SHANK1: variants seen among roughly 807,000 people sequenced by gnomAD.
SHANK1 encodes the protein SH3 and multiple ankyrin repeat domains 1, also known as SH3 and multiple ankyrin repeat domains protein 1.
SHANK1 carries 35 observed loss-of-function variants against 165.6 expected under a neutral mutation model. The ratio of observed to expected loss-of-function variants is 0.21; its 90% CI spans 0.16 to 0.28. The LOEUF (loss-of-function observed/expected upper bound fraction) is 0.28. Among genes scored for constraint, SHANK1 ranks in the 10% least tolerant of loss-of-function variants. The pLI, the probability that SHANK1 is intolerant of heterozygous loss-of-function variation, is 1.00. For missense variants in SHANK1, 2,681 were observed against 3,036.4 expected (o/e 0.88, Z 2.75); for synonymous variants, 1,428 against 1,384.8 (o/e 1.03, Z -0.69).
chr19:50,687,524 C>A, intron 19 of SHANK1, 58 bp downstream of exon 19: 1 of 1,367,124 alleles, frequency 7.3e-7, no homozygotes, highest in South Asian at 1.4e-5. Context: ...AAGGGATGGT[C>A]CAGCCCTCCT....
At chr19:50,711,784 G>A (rs1315041504) in intron 7 of SHANK1, among the ~76,000 whole-genome samples, 163 bp downstream of exon 7, 1 of 152,142 alleles carries the variant, frequency 6.6e-6, no homozygotes. Context: ...GCCCCCTTAG[G>A]GTCTTTCTGC....
Position 50,697,918 on chromosome 19 carries a change from C to T in SHANK1, c.1786G>A (p.Val596Ile), listed in dbSNP as rs1192541633. 2 of 1,614,106 alleles carry T rather than the reference C, an allele frequency of 1.2e-6. No individual in the cohort carries two copies. The highest frequency in any genetic ancestry group is 1.7e-5 in the Admixed American group (1 of 60,010). ...IGEGGFWEGQ[V>I]KGRVGWFPSD... ...GGGAACCAGCCAACACGACCTTTGA[C>T]CTGGCCTTCCCAGAAGCCTCCTTCC... The change falls in exon 13 of 24, where the codon GTC becomes ATC. Residue 596 changes from valine (V) to isoleucine (I), a missense_variant. Physicochemically the swap from Val to Ile is conservative, Grantham distance 29. Around this residue, in one of 10 missense-constraint regions of SHANK1, gnomAD observed 147 missense variants for 256.5 expected, o/e 0.57. Coordinates refer to ENST00000293441, the MANE Select transcript of SHANK1 (RefSeq NM_016148.5). This position sits in a 1 kb window ranked among gnomAD's most constrained non-coding sequence, Gnocchi z 4.7.
chr19:50,667,027 G>C lies in SHANK1; in HGVS notation c.4933C>G (p.Pro1645Ala). 1 of 1,551,738 alleles carries C rather than the reference G, an allele frequency of 6.4e-7. No individual in the cohort carries two copies. Among genetic ancestry groups the C allele is most frequent in the Non-Finnish European group, 8.7e-7 (1 of 1,152,160 alleles). ...TQGASAAPGD[P>A]HPPGPPAPAA... is the part of the protein sequence containing the mutation. ...GGGGCAGGCGGGCCTGGTGGATGGGGGTCCCCAGGAGCGGCGGAGGCCCCC... is the reference window on the plus strand; with the variant it reads ...GGGGCAGGCGGGCCTGGTGGATGGGCGTCCCCAGGAGCGGCGGAGGCCCCC... The change falls in exon 23 of 24, where the codon CCC (proline) becomes GCC (alanine). Residue 1645 changes from proline to alanine, a missense_variant. Coordinates refer to ENST00000293441, the MANE Select transcript of SHANK1 (RefSeq NM_016148.5). The surrounding 1 kb of genome is among the most constrained non-coding windows in gnomAD (Gnocchi z 5.7).
Position 50,686,277 on chromosome 19 carries a change from G to T in SHANK1, c.2537C>A (p.Ser846Tyr), listed in dbSNP as rs1452508320. Residue 846 changes from serine to tyrosine, a missense_variant, in exon 21 of 24, where the codon TCC becomes TAC. By Grantham distance (144) the Ser-to-Tyr change is moderately radical (BLOSUM62 -2). Coordinates refer to ENST00000293441, the MANE Select transcript of SHANK1 (RefSeq NM_016148.5). This position sits in a 1 kb window ranked among gnomAD's most constrained non-coding sequence, Gnocchi z 5.7. ...ACCTTTGGGTCGGTGTTTGCCCAGG[G>T]ACGCGAGGCCACCGGGACCAGGGCT... ...SESPGPGGLA[S>Y]LGKHRPKGFF... is the part of the protein sequence containing the mutation. 21 of 1,607,638 alleles carry T rather than the reference G, an allele frequency of 1.3e-5. No individual in the cohort carries two copies. Among genetic ancestry groups the T allele is most frequent in the Non-Finnish European group, 1.8e-5 (21 of 1,176,686 alleles).
intron 21 of SHANK1, among the ~76,000 whole-genome samples, chr19:50,674,502 G>A (rs1379875057): frequency 6.6e-6 from 1 of 152,054 alleles, no homozygotes; most frequent in Non-Finnish European, 1.5e-5. Context: ...TCTCACTTCC[G>A]AGACTCTGCA....
At chr19:50,687,289 G>T (rs528151688) in intron 19 of SHANK1, among the ~76,000 whole-genome samples, 14 of 152,000 alleles carry the variant, frequency 9.2e-5, no homozygotes, top group African/African-American at 3.4e-4. Context: ...AATGGGGCTG[G>T]GGGGTGAGGT....
intron 8 of SHANK1, 147 bp from the exon 9 acceptor site, chr19:50,704,661 G>T (rs2088916694): frequency 2.8e-6 from 2 of 705,896 alleles, no homozygotes; most frequent in East Asian, 5.3e-5. Flanking sequence ...CACCTGCCAG[G>T]TACGGACCAG....
chr19:50,697,946 G>C lies in SHANK1; in HGVS notation c.1758C>G (p.Ile586Met). 3 of 1,612,114 alleles carry C rather than the reference G, an allele frequency of 1.9e-6. No individual in the cohort carries two copies. Among genetic ancestry groups the C allele is most frequent in the Non-Finnish European group, 2.5e-6 (3 of 1,178,412 alleles). Residue 586 changes from isoleucine to methionine, a missense_variant, in exon 13 of 24, where the codon ATC becomes ATG. Physicochemically the swap from Ile to Met is conservative, Grantham distance 10. Coordinates refer to ENST00000293441, the MANE Select transcript of SHANK1 (RefSeq NM_016148.5). This position sits in a 1 kb window ranked among gnomAD's most constrained non-coding sequence, Gnocchi z 4.7. The part of the protein sequence containing the change: ...SKGEKIKVLS[I>M]GEGGFWEGQV... ...GGCCTTCCCAGAAGCCTCCTTCCCCGATGCTAAGTACTGGATGGGGAACGG... is the reference window on the plus strand; with the variant it reads ...GGCCTTCCCAGAAGCCTCCTTCCCCCATGCTAAGTACTGGATGGGGAACGG...
intron 8 of SHANK1, among the ~76,000 whole-genome samples, chr19:50,709,108 A>G (rs1272157775): frequency 1.3e-5 from 2 of 152,212 alleles, no homozygotes; most frequent in Admixed American, 1.3e-4. Context: ...CAAACCTATT[A>G]ACCCACTTGA....
chr19:50,693,169 C>G (rs1368549687), intron 15 of SHANK1, among the ~76,000 whole-genome samples: 1 of 151,646 alleles, frequency 6.6e-6, no homozygotes, highest in Non-Finnish European at 1.5e-5. Context: ...CATTTACATT[C>G]CCTGTGTCCT....
In SHANK1 at chr19:50,709,324, G is replaced by C. The variant is rs139845139; in HGVS notation, c.1077+2047C>G. ...TGGCTAACTTTTTTTTGCATTTTTA[G>C]TAGAGACGGGATTTCAGCGTGTTAG... is the stretch of plus-strand genomic sequence containing the variant. On this transcript the variant is annotated intron_variant, in intron 8 of 23. Coordinates refer to ENST00000293441, the MANE Select transcript of SHANK1 (RefSeq NM_016148.5). Among the ~76,000 whole-genome samples, 634 of 152,118 alleles carry C rather than the reference G, an allele frequency of 4.2e-3. 3 individuals are homozygous for C. The highest frequency in any genetic ancestry group is 7.7e-3 in the Non-Finnish European group (525 of 67,972).
chr19:50,662,348 T>C lies in SHANK1; in HGVS notation c.6103A>G (p.Ile2035Val), dbSNP rs774882196. Reference protein sequence around the residue: ...SGPLYPGLFDIRGSPTGGAGG... With the variant: ...SGPLYPGLFDVRGSPTGGAGG... ...GCCCCTCCAGTTGGGGAGCCACGGA[T>C]GTCAAAGAGGCCTGGGTAGAGGGGT... The change falls in exon 24 of 24, where the codon ATC becomes GTC. Residue 2035 changes from isoleucine to valine, a missense_variant. This residue lies in a region of SHANK1 where 1,713 missense variants were observed against 1,630.2 expected (regional missense o/e 1.05). Coordinates refer to ENST00000293441, the MANE Select transcript of SHANK1 (RefSeq NM_016148.5). This position sits in a 1 kb window ranked among gnomAD's most constrained non-coding sequence, Gnocchi z 7.7. The C allele has an allele frequency of 2.5e-6, 4 of 1,600,274 alleles. No homozygotes were observed. Among genetic ancestry groups the C allele is most frequent in the Admixed American group, 1.7e-5 (1 of 58,598 alleles).
At position 50,667,613 on chromosome 19, in the gene SHANK1, C is replaced by T; in HGVS notation, c.4347G>A (p.Pro1449=). 1.4e-6 allele frequency: 2 copies of T among 1,429,442 alleles called. No individual in the cohort carries two copies. The highest frequency in any genetic ancestry group is 1.5e-5 in the South Asian group (1 of 65,990). 88.5% of individuals were successfully genotyped at this position (1,429,442 alleles called of 1,614,324 possible). A position where few individuals can be genotyped will look rare whatever the true frequency, so the allele number is the denominator to read the frequency against. Residue 1449 remains proline, a synonymous_variant, in exon 23 of 24, where the codon CCG becomes CCA. Transcript: ENST00000293441. This position sits in a 1 kb window ranked among gnomAD's most constrained non-coding sequence, Gnocchi z 5.7. ...AARRSLLHRL[P]PTAPGVGPLL... ...GGGGCCCCACCCCGGGAGCGGTGGGCGGCAGGCGGTGTAGCAGGGAACGCC... is the reference window on the plus strand; with the variant it reads ...GGGGCCCCACCCCGGGAGCGGTGGGTGGCAGGCGGTGTAGCAGGGAACGCC...
Position 50,692,456 on chromosome 19 carries a change from G to GATATATATATAT in SHANK1, c.1965-3189_1965-3178dup, listed in dbSNP as rs142402078. Among the ~76,000 whole-genome samples the GATATATATATAT allele has an allele frequency of 1.9e-3, 248 of 128,818 alleles. 5 individuals carry two copies. The highest frequency in any genetic ancestry group is 6.5e-3 in the African/African-American group (204 of 31,438). 84.5% of individuals were successfully genotyped at this position (128,818 alleles called of 152,430 possible). A position where few individuals can be genotyped will look rare whatever the true frequency, so the allele number is the denominator to read the frequency against. ...TCAAAGCCAAGATTTGAATTCACCA[G>GATATATATATAT]ATATATATATATATATACACACACA... is the stretch of plus-strand genomic sequence containing the variant. On this transcript the variant is annotated intron_variant, in intron 15 of 23. Transcript: ENST00000293441.
rs1986786073 is a variant in SHANK1 at position 50,697,693 on chromosome 19, C to T, written c.1862-29G>A. On this transcript the variant is annotated intron_variant, in intron 13 of 23. Transcript: ENST00000293441. This position sits in a 1 kb window ranked among gnomAD's most constrained non-coding sequence, Gnocchi z 4.7. ...CAGGGTGACAACAGACAACCTTGGA[C>T]TCTTGTTTTGGAAACCACAATCCCA... 1.2e-6 allele frequency: 2 copies of T among 1,610,664 alleles called. No individual in the cohort carries two copies. The highest frequency in any genetic ancestry group is 1.7e-5 in the Admixed American group (1 of 59,978).
chr19:50,668,472 G>C lies in SHANK1; in HGVS notation c.3488C>G (p.Pro1163Arg). The C allele has an allele frequency of 7.5e-7, 1 of 1,339,252 alleles. No homozygotes were observed. The highest frequency in any genetic ancestry group is 9.6e-7 in the Non-Finnish European group (1 of 1,043,782). 83.0% of individuals were successfully genotyped at this position (1,339,252 alleles called of 1,614,324 possible). The change falls in exon 23 of 24, where the codon CCG becomes CGG. Residue 1163 changes from proline (P) to arginine (R), a missense_variant. Pro to Arg is a moderately radical substitution (Grantham distance 103). This residue lies in a region of SHANK1 where 1,713 missense variants were observed against 1,630.2 expected (regional missense o/e 1.05). Transcript: ENST00000293441. The part of the protein sequence containing the change: ...IPIPTIIIKA[P>R]STSSSGRSSQ... ...GCTGCGGCCGCTGCTACTGGTGGAC[G>C]GGGCCTTGATGATGATGGTGGGGAT...
At position 50,716,862 on chromosome 19, in the gene SHANK1, G is replaced by T. The variant is rs201688212; in HGVS notation, c.58C>A (p.Pro20Thr). ...CTGTCGGACTCTGAGCCCCCCTCGG[G>T]ACACTCGCTGGCACTGTGGCGTTCC... The part of the protein sequence containing the change: ...DEERHSASEC[P>T]EGGSESDSSP... The change falls in exon 2 of 24, where the codon CCC becomes ACC. Residue 20 changes from proline to threonine, a missense_variant. Transcript: ENST00000293441. The surrounding 1 kb of genome is among the most constrained non-coding windows in gnomAD (Gnocchi z 8.4). 135 of 1,519,278 alleles carry T rather than the reference G, an allele frequency of 8.9e-5. No homozygotes were observed. Among genetic ancestry groups the T allele is most frequent in the Non-Finnish European group, 1.2e-4 (133 of 1,135,342 alleles). 94.1% of individuals were successfully genotyped at this position (1,519,278 alleles called of 1,614,324 possible).
chr19:50,669,240 T>A lies in SHANK1; in HGVS notation c.2720A>T (p.Lys907Ile). 2 of 1,611,950 alleles carry A rather than the reference T, an allele frequency of 1.2e-6. No homozygotes were observed. The highest frequency in any genetic ancestry group is 1.7e-6 in the Non-Finnish European group (2 of 1,179,118). Residue 907 changes from lysine (K) to isoleucine (I), a missense_variant, in exon 23 of 24, where the codon AAA (lysine) becomes ATA (isoleucine). Coordinates refer to ENST00000293441, the MANE Select transcript of SHANK1 (RefSeq NM_016148.5). ...AGGCACAGACAGGCTGCGGCTGAAT[T>A]TCATGGCTGGGGGTGCTAGGTAAGG... is the stretch of plus-strand genomic sequence containing the variant. ...DRPYLAPPAM[K>I]FSRSLSVPGS...
At chr19:50,669,369 C>G in intron 22 of SHANK1, 84 bp from the exon 23 acceptor site, 2 of 898,562 alleles carry the variant, frequency 2.2e-6, no homozygotes, top group Non-Finnish European at 3.5e-6. Flanking sequence ...CGCAACAATA[C>G]TAATGACAAG....
Sources: gnomAD v4.1 joint callset for allele counts (sites outside exome capture counted in the v4.1 genomes callset) on GRCh38, gnomAD v4.1.1 for gene constraint, gnomAD v4.1.1 regional missense constraint, Gnocchi (gnomAD v3.1) non-coding constraint, MANE v1.5 for transcripts, NCBI Gene and HGNC (gene_info 2026-07-23, HGNC 2026-07-21) for gene names.